The following RYR1 variants were observed in gnomAD, a reference collection of about 807,000 sequenced individuals.
RYR1 encodes the protein ryanodine receptor 1.
In RYR1, 342 loss-of-function variants were observed where a neutral mutation model predicts 583.5. That is an observed-to-expected ratio of 0.59 (90% CI 0.54 to 0.64). The LOEUF is 0.64. RYR1 is among the 30% of genes least tolerant of loss of function. The pLI is 0.00. For missense variants in RYR1, 6,032 were observed against 6,917.2 expected (o/e 0.87, Z 4.54); for synonymous variants, 2,791 against 2,822.5 (o/e 0.99, Z 0.35).
rs77403332 is a variant in RYR1, at chr19:38,572,581, T to G, written c.13998+311T>G. On this transcript the variant is annotated intron_variant, in intron 95 of 105. Coordinates refer to ENST00000359596, the MANE Select transcript of RYR1 (RefSeq NM_000540.3). ...TTGGGCTTAAAACTTTCATACATGC[T>G]ATTCCCTCTGCCTGCAATACTTTGC... Among the ~76,000 whole-genome samples, 1,151 of 152,274 alleles carry G rather than the reference T, an allele frequency of 7.6e-3. 12 individuals are homozygous for G. Among genetic ancestry groups the G allele is most frequent in the African/African-American group, 0.027 (1,114 of 41,534 alleles).
chr19:38,505,113 C>T, intron 52 of RYR1, 32 bp downstream of exon 52: 1 of 1,589,422 alleles, frequency 6.3e-7, no homozygotes, highest in Non-Finnish European at 8.6e-7. Flanking sequence ...TCCAAGAAAC[C>T]CTCAAGACCC....
intron 75 of RYR1, 95 bp from the exon 76 acceptor site, chr19:38,528,856 A>G: frequency 6.7e-7 from 1 of 1,495,346 alleles, no homozygotes; most frequent in Non-Finnish European, 9.2e-7. Flanking sequence ...GGATGTGGGA[A>G]AAGAGAAAAA....
chr19:38,515,404 G>A (rs906847698), intron 64 of RYR1, among the ~76,000 whole-genome samples: 4 of 152,156 alleles, frequency 2.6e-5, no homozygotes, highest in Non-Finnish European at 5.9e-5. Flanking sequence ...CACTGGGGAG[G>A]GCCCCTGGCA....
intron 42 of RYR1, among the ~76,000 whole-genome samples, chr19:38,498,601 T>G (rs1969953155): frequency 6.6e-6 from 1 of 152,216 alleles, no homozygotes; most frequent in Non-Finnish European, 1.5e-5. Context: ...TGCCCATTTT[T>G]ATGTTATTTC....
intron 20 of RYR1, among the ~76,000 whole-genome samples, chr19:38,462,377 G>T (rs573939700): frequency 1.3e-5 from 2 of 152,112 alleles, no homozygotes; most frequent in East Asian, 3.9e-4. Context: ...CATCTGCGGG[G>T]GTGACTTCAT....
rs764897545 is a variant in RYR1 at position 38,546,541 on chromosome 19, G to A, written c.12094+15G>A. 3.1e-6 allele frequency: 5 copies of A among 1,605,068 alleles called. No homozygotes were observed. In the East Asian group the frequency reaches 9.0e-5, roughly 29 times the overall value. ...GCTACTAGAAGGTAAACACCCAGGA[G>A]TGAGGGTGAGGGAACAGTAAAGAGG... On this transcript the variant is annotated intron_variant, in intron 88 of 105. Transcript: ENST00000359596.
At chr19:38,503,171 G>A (rs1970278955) in intron 49 of RYR1, among the ~76,000 whole-genome samples, 1 of 152,102 alleles carries the variant, frequency 6.6e-6, no homozygotes, top group Non-Finnish European at 1.5e-5. Context: ...CTTCATTGAT[G>A]CCTCTAGCGT....
intron 34 of RYR1, among the ~76,000 whole-genome samples, chr19:38,486,856 A>G (rs1039628798): frequency 1.3e-5 from 2 of 151,964 alleles, no homozygotes; most frequent in Non-Finnish European, 2.9e-5. Context: ...TGTATAGATC[A>G]TCTTTCCATC....
At chr19:38,461,884 A>G (rs959766655) in intron 20 of RYR1, among the ~76,000 whole-genome samples, 2 of 151,940 alleles carry the variant, frequency 1.3e-5, no homozygotes, top group Admixed American at 1.3e-4. Context: ...GTGAAACCCC[A>G]TCTCTACTGA....
intron 94 of RYR1, among the ~76,000 whole-genome samples, chr19:38,570,966 A>T (rs948924183): frequency 6.6e-6 from 1 of 152,266 alleles, no homozygotes; most frequent in African/African-American, 2.4e-5. Flanking sequence ...GCTCGGCCAC[A>T]TGCCAGTCCT....
At position 38,496,800 on chromosome 19, in the gene RYR1, T is replaced by C. The variant is rs939132797; in HGVS notation, c.6797-60T>C. The C allele has an allele frequency of 6.6e-7, 1 of 1,511,816 alleles. No homozygotes were observed. The allele number at this position is 1,511,816 out of a possible 1,614,324, so 93.7% of individuals were successfully genotyped here. A position where few individuals can be genotyped will look rare whatever the true frequency, so the allele number is the denominator to read the frequency against. On this transcript the variant is annotated intron_variant, in intron 41 of 105. Coordinates refer to ENST00000359596, the MANE Select transcript of RYR1 (RefSeq NM_000540.3). The surrounding 1 kb of genome is among the most constrained non-coding windows in gnomAD (Gnocchi z 4.8). The stretch of plus-strand genomic sequence containing the variant: ...TGGAAAAAGGGTGGTCAGGGAGGGC[T>C]TCCCAGAGGAGGCGAGACAAGCAGG...
At position 38,565,223 on chromosome 19, in the gene RYR1, G is replaced by A; in HGVS notation, c.12889G>A (p.Val4297Ile). ...ATAAAGATAR[V>I]VAAAGRALRG... ...GGCGGCGGCGGGGGCGACGGCGCGGGTTGTGGCGGCCGCAGGCCGGGCCCT... is the reference window on the plus strand; with the variant it reads ...GGCGGCGGCGGGGGCGACGGCGCGGATTGTGGCGGCCGCAGGCCGGGCCCT... Residue 4297 changes from valine (V) to isoleucine (I), a missense_variant, in exon 91 of 106, where the codon GTT (valine) becomes ATT (isoleucine). By Grantham distance (29) the Val-to-Ile change is conservative. Around this residue, in one of 11 missense-constraint regions of RYR1, gnomAD observed 753 missense variants for 759.6 expected, o/e 0.99. Coordinates refer to ENST00000359596, the MANE Select transcript of RYR1 (RefSeq NM_000540.3). The surrounding 1 kb of genome is among the most constrained non-coding windows in gnomAD (Gnocchi z 4.7). 1.0e-6 allele frequency: 1 copy of A among 990,714 alleles called. No homozygotes were observed. The allele number at this position is 990,714 out of a possible 1,614,324, so 61.4% of individuals were successfully genotyped here. A position where few individuals can be genotyped will look rare whatever the true frequency, so the allele number is the denominator to read the frequency against.
At chr19:38,534,963 T>C in intron 79 of RYR1, 144 bp downstream of exon 79, 2 of 1,092,702 alleles carry the variant, frequency 1.8e-6, no homozygotes, top group East Asian at 2.6e-5. Flanking sequence ...CAGCTTCCCC[T>C]TGTATACCTG....
rs751242873 is a variant in RYR1, at chr19:38,525,498, C to A, written c.10622C>A (p.Ala3541Asp). 3 of 1,613,860 alleles carry A rather than the reference C, an allele frequency of 1.9e-6. No homozygotes were observed. Among genetic ancestry groups the A allele is most frequent in the Admixed American group, 1.7e-5 (1 of 59,974 alleles). The change falls in exon 71 of 106, where the codon GCC becomes GAC. Residue 3541 changes from alanine (A) to aspartate (D), a missense_variant. Ala to Asp is a moderately radical substitution (Grantham distance 126, BLOSUM62 -2). Coordinates refer to ENST00000359596, the MANE Select transcript of RYR1 (RefSeq NM_000540.3). ...ATCACGCTGGCCAAGACCCGTTACG[C>A]CCTGGTGCCTGCCCAGCCCCGTCCT... ...DLITLAKTRY[A>D]LKDTDEEVRE...
intron 12 of RYR1, 103 bp downstream of exon 12, chr19:38,451,988 C>G: frequency 6.6e-7 from 1 of 1,519,228 alleles, no homozygotes; most frequent in South Asian, 1.1e-5. Flanking sequence ...TGCCCACACC[C>G]TTGTCTAACA....
chr19:38,435,437 A>C (rs1972383086), intron 1 of RYR1, among the ~76,000 whole-genome samples: 1 of 152,092 alleles, frequency 6.6e-6, no homozygotes, highest in Non-Finnish European at 1.5e-5. Flanking sequence ...TGGATTTCTC[A>C]AAACTTTCTG....
chr19:38,470,889 G>C (rs1968387596), intron 27 of RYR1, among the ~76,000 whole-genome samples: 1 of 152,208 alleles, frequency 6.6e-6, no homozygotes, highest in Admixed American at 6.5e-5. Flanking sequence ...CCTAGAGGTG[G>C]CTGGGACGGG....
At chr19:38,501,754 C>T (rs1007225880) in intron 47 of RYR1, among the ~76,000 whole-genome samples, 2 of 151,994 alleles carry the variant, frequency 1.3e-5, no homozygotes, top group African/African-American at 4.8e-5. Flanking sequence ...GAGGCCGAGG[C>T]GGGTGGGTTG....
In RYR1 at chr19:38,450,787, ATAAC is replaced by A. The variant is rs779336627; in HGVS notation, c.1123-973_1123-970del. Reference sequence around the variant, plus strand: ...CAACGTGGAAACAATAAATAAATAAATAACTAAATAAAGGGAAGATGGAGCCTCC... The same window carrying A: ...CAACGTGGAAACAATAAATAAATAAATAAATAAAGGGAAGATGGAGCCTCC... On this transcript the variant is annotated intron_variant, in intron 11 of 105. Transcript: ENST00000359596. Among the ~76,000 whole-genome samples the A allele has an allele frequency of 1.4e-3, 215 of 151,830 alleles. 1 individual carries two copies. In the Middle Eastern group the frequency reaches 0.024, roughly 17 times the overall value.
Sources: allele counts gnomAD v4.1 joint callset (sites outside exome capture counted in the v4.1 genomes callset), GRCh38; gene constraint gnomAD v4.1.1; regional missense constraint gnomAD v4.1.1; non-coding constraint Gnocchi (gnomAD v3.1); transcripts MANE v1.5; gene names NCBI Gene and HGNC (gene_info 2026-07-23, HGNC 2026-07-21).